ZFPM2: variants seen among roughly 807,000 people sequenced by gnomAD.
ZFPM2 encodes zinc finger protein, FOG family member 2.
Under a neutral mutation model 98.6 loss-of-function variants are expected in ZFPM2, and 20 were observed. The ratio of observed to expected loss-of-function variants is 0.20; its 90% confidence interval spans 0.14 to 0.29. The LOEUF is 0.29. Among genes scored for constraint, ZFPM2 ranks in the 10% least tolerant of loss-of-function variants. The pLI is 1.00. For missense variants in ZFPM2, 1,310 were observed against 1,388.6 expected (o/e 0.94, Z 0.90); for synonymous variants, 518 against 502.7 (o/e 1.03, Z -0.41).
intron 3 of ZFPM2, among the ~76,000 whole-genome samples, chr8:105,456,603 G>C (rs1812597772): frequency 6.6e-6 from 1 of 152,036 alleles, no homozygotes; most frequent in Admixed American, 6.6e-5. Context: ...AAACTACTCT[G>C]AATCTACTAT....
rs1281429885 is a variant in ZFPM2 at position 105,318,801 on chromosome 8, C to T, written c.-141C>T. ...CCGCGGCTCCCGGAGGAGCCCAGCG[C>T]CCGGAGCACCTGGAGTCCGGCCGGC... On this transcript the variant is annotated 5_prime_UTR_variant, in exon 1 of 8. Coordinates refer to ENST00000407775, the MANE Select transcript of ZFPM2 (RefSeq NM_012082.4). The T allele has an allele frequency of 2.2e-5, 6 of 275,086 alleles. No homozygotes were observed. Among genetic ancestry groups the T allele is most frequent in the South Asian group, 2.5e-4 (2 of 7,984 alleles). The allele number at this position is 275,086 out of a possible 1,614,324, so 17.0% of individuals were successfully genotyped here. A position where few individuals can be genotyped will look rare whatever the true frequency, so the allele number is the denominator to read the frequency against.
chr8:105,565,321 A>G (rs1183083797), intron 4 of ZFPM2, among the ~76,000 whole-genome samples: 2 of 152,194 alleles, frequency 1.3e-5, no homozygotes, highest in African/African-American at 4.8e-5. Context: ...CTGAACATAG[A>G]AATAGAGTAT....
intron 1 of ZFPM2, among the ~76,000 whole-genome samples, chr8:105,323,049 C>A (rs1170350991): frequency 6.6e-6 from 1 of 151,282 alleles, no homozygotes; most frequent in Non-Finnish European, 1.5e-5. Flanking sequence ...CACATGAAAA[C>A]CTCTAGTTGG....
Position 105,720,737 on chromosome 8 carries a change from T to TCCC in ZFPM2, c.533-67981_533-67980insCCC, listed in dbSNP as rs1272522487. On this transcript the variant is annotated intron_variant, in intron 5 of 7. Coordinates refer to ENST00000407775, the MANE Select transcript of ZFPM2 (RefSeq NM_012082.4). ...AGACAATCATCTCACTTCTGAATTC[T>TCCC]TATCCTAAAATAGATATATAGATAA... 3.3e-5 allele frequency among the ~76,000 whole-genome samples: 5 copies of TCCC among 151,856 alleles called. 1 individual carries two copies. The highest frequency in any genetic ancestry group is 2.4e-5 in the African/African-American group (1 of 41,416).
At chr8:105,485,728 T>G (rs1285873000) in intron 3 of ZFPM2, among the ~76,000 whole-genome samples, 1 of 151,920 alleles carries the variant, frequency 6.6e-6, no homozygotes, top group Non-Finnish European at 1.5e-5. Flanking sequence ...CAAAGACAGA[T>G]AAGAGTAGCA....
chr8:105,534,614 T>G (rs1368143690), intron 3 of ZFPM2, among the ~76,000 whole-genome samples: 1 of 152,012 alleles, frequency 6.6e-6, no homozygotes, highest in Non-Finnish European at 1.5e-5. Flanking sequence ...AGGAGTTAAT[T>G]AAAGAGAAGG....
chr8:105,750,908 G>A (rs1313372197), intron 5 of ZFPM2, among the ~76,000 whole-genome samples: 1 of 152,018 alleles, frequency 6.6e-6, no homozygotes, highest in East Asian at 1.9e-4. Flanking sequence ...GAGAGTTTTC[G>A]TCACCCAGGA....
intron 5 of ZFPM2, among the ~76,000 whole-genome samples, chr8:105,697,171 T>G (rs918258905): frequency 6.6e-6 from 1 of 151,742 alleles, no homozygotes; most frequent in Non-Finnish European, 1.5e-5. Flanking sequence ...ACTTTATAGT[T>G]CCACTTCTGT....
chr8:105,798,052 A>AT (rs1311664648), intron 6 of ZFPM2: 1 of 152,244 alleles, frequency 6.6e-6, no homozygotes, highest in Non-Finnish European at 1.5e-5. Flanking sequence ...AGGGGTTGAC[A>AT]TCAGGGCTAA....
At chr8:105,551,520 G>T (rs1814853140) in intron 3 of ZFPM2, among the ~76,000 whole-genome samples, 1 of 152,158 alleles carries the variant, frequency 6.6e-6, no homozygotes, top group East Asian at 1.9e-4. Flanking sequence ...CTTCAGACCA[G>T]TCTTCTGAAC....
intron 3 of ZFPM2, among the ~76,000 whole-genome samples, chr8:105,515,049 A>C (rs1485955101): frequency 1.3e-5 from 2 of 152,116 alleles, no homozygotes; most frequent in East Asian, 3.9e-4. Context: ...ATCTTTAGTA[A>C]CTCGGGAAGC....
intron 5 of ZFPM2, chr8:105,662,838 T>C (rs1817417631): frequency 6.6e-6 from 1 of 152,164 alleles, no homozygotes; most frequent in Non-Finnish European, 1.5e-5. Flanking sequence ...TCCCTTCTGA[T>C]GCCGTCCCTA....
At chr8:105,611,849 C>T (rs1816313785) in intron 4 of ZFPM2, among the ~76,000 whole-genome samples, 2 of 152,060 alleles carry the variant, frequency 1.3e-5, no homozygotes, top group East Asian at 1.9e-4. Flanking sequence ...CAGGCACCCA[C>T]CACCACGCCT....
At chr8:105,526,627 A>G (rs1220017066) in intron 3 of ZFPM2, among the ~76,000 whole-genome samples, 2 of 152,172 alleles carry the variant, frequency 1.3e-5, no homozygotes, top group African/African-American at 4.8e-5. Context: ...GAGATAAATT[A>G]AAATGGAGAA....
chr8:105,435,565 A>G (rs1187101698), intron 2 of ZFPM2, among the ~76,000 whole-genome samples: 4 of 152,174 alleles, frequency 2.6e-5, no homozygotes, highest in Non-Finnish European at 5.9e-5. Context: ...CAGTATCTTA[A>G]CAAACTTGTC....
intron 1 of ZFPM2, among the ~76,000 whole-genome samples, chr8:105,349,444 C>G (rs181168455): frequency 4.5e-4 from 69 of 152,094 alleles, no homozygotes; most frequent in Non-Finnish European, 8.8e-5. Flanking sequence ...GTACACAATA[C>G]AAGGTATAAC....
chr8:105,705,045 T>C (rs955315654), intron 5 of ZFPM2, among the ~76,000 whole-genome samples: 1 of 152,158 alleles, frequency 6.6e-6, no homozygotes, highest in African/African-American at 2.4e-5. Flanking sequence ...AGCCAGTATA[T>C]AATTAAGGGA....
chr8:105,396,567 A>G (rs1811222298), intron 1 of ZFPM2, among the ~76,000 whole-genome samples: 1 of 152,210 alleles, frequency 6.6e-6, no homozygotes, highest in South Asian at 2.1e-4. Context: ...CCTTTTAGGT[A>G]AAAGAAGTTA....
intron 3 of ZFPM2, among the ~76,000 whole-genome samples, chr8:105,526,677 G>C (rs933793476): frequency 6.6e-6 from 1 of 152,178 alleles, no homozygotes; most frequent in African/African-American, 2.4e-5. Flanking sequence ...GTAAAACGCT[G>C]ATGGAAAACG....
Sources: gnomAD v4.1 joint callset for allele counts (sites outside exome capture counted in the v4.1 genomes callset) on GRCh38, gnomAD v4.1.1 for gene constraint, MANE v1.5 for transcripts, NCBI Gene and HGNC (gene_info 2026-07-23, HGNC 2026-07-21) for gene names.